Variants in PICALM observed in about 807,000 individuals in gnomAD.
The protein encoded by PICALM is phosphatidylinositol-binding clathrin assembly protein.
A neutral mutation model predicts 80.5 loss-of-function variants in PICALM; 40 were observed. The observed-to-expected ratio is 0.50, with a 90% confidence interval of 0.39 to 0.65. PICALM has a LOEUF of 0.65. Ranked by LOEUF, PICALM falls within the 30% of genes least tolerant of loss-of-function variation. The probability of loss-of-function intolerance (pLI) is 0.00; values close to 1 mark genes in which losing one functional copy is unlikely to be tolerated. For synonymous variants in PICALM, 288 were observed against 260.3 expected, an observed-to-expected ratio of 1.11 and a Z score of -1.02; for missense variants, 676 against 778.9, an observed-to-expected ratio of 0.87 and a Z score of 1.57.
rs12788654 is a variant in PICALM at position 86,022,065 on chromosome 11, T to G, written c.452+302A>C. ...TAGGTATAGAGTTTCTTTGTGGAGG[T>G]GATAAAAATGTTCTGAAATTAGTGG... is the stretch of plus-strand genomic sequence containing the variant. On this transcript the variant is annotated intron_variant, in intron 4 of 19. Transcript: ENST00000393346. 0.1 allele frequency among the ~76,000 whole-genome samples: 15,494 copies of G among 152,108 alleles called. 916 individuals are homozygous for G. The highest frequency in any genetic ancestry group is 0.15 in the Admixed American group (2,228 of 15,268).
chr11:86,056,451 A>G (rs1285917600), intron 1 of PICALM, among the ~76,000 whole-genome samples: 1 of 152,014 alleles, frequency 6.6e-6, no homozygotes, highest in Non-Finnish European at 1.5e-5. Context: ...CAAAATCACA[A>G]TGACATAACA....
intron 1 of PICALM, among the ~76,000 whole-genome samples, chr11:86,046,518 T>G (rs908947868): frequency 3.3e-5 from 5 of 152,214 alleles, no homozygotes; most frequent in African/African-American, 9.7e-5. Flanking sequence ...TCATTTTGTA[T>G]TGATGTTTTC....
At chr11:85,962,086 T>A (rs552652847) in intron 19 of PICALM, among the ~76,000 whole-genome samples, 4 of 152,214 alleles carry the variant, frequency 2.6e-5, no homozygotes, top group African/African-American at 9.6e-5. Context: ...GGAACAATGA[T>A]GGAATCACGC....
At chr11:86,027,437 T>G (rs571343596) in intron 2 of PICALM, among the ~76,000 whole-genome samples, 3 of 152,278 alleles carry the variant, frequency 2.0e-5, no homozygotes, top group African/African-American at 7.2e-5. Flanking sequence ...TCTTCATTTT[T>G]TTTTTAATGC....
At chr11:85,961,043 G>A (rs1205596142) in intron 19 of PICALM, among the ~76,000 whole-genome samples, 7 of 130,038 alleles carry the variant, frequency 5.4e-5, no homozygotes, top group African/African-American at 2.0e-4. Context: ...CCAAAAGGTC[G>A]ATATAAGCTG....
At position 86,003,390 on chromosome 11, in the gene PICALM, AT is replaced by A; in HGVS notation, c.868del (p.Ile290SerfsTer27). ...QHLASLEGKK[I>X]KDSTAASRAT... ...CCTGCTTGCAGCTGTAGAATCTTTGATTTTCTTTCCTTCCAAGGAAGCTAAA... is the reference window on the plus strand; with the variant it reads ...CCTGCTTGCAGCTGTAGAATCTTTGATTTCTTTCCTTCCAAGGAAGCTAAA... On this transcript the variant is annotated frameshift_variant, in exon 9 of 20. Coordinates refer to ENST00000393346, the MANE Select transcript of PICALM (RefSeq NM_007166.4). LOFTEE classifies it high-confidence loss of function. 1 of 1,594,640 alleles carries A rather than the reference AT, an allele frequency of 6.3e-7. No homozygotes were observed. The highest frequency in any genetic ancestry group is 2.2e-5 in the East Asian group (1 of 44,638).
intron 1 of PICALM, among the ~76,000 whole-genome samples, chr11:86,048,986 T>C (rs694011): frequency 0.71 from 108,536 of 151,962 alleles, 39,263 homozygotes; most frequent in African/African-American, 0.85. Flanking sequence ...GGAGGCAAAG[T>C]GACCACGTAA....
chr11:86,060,889 T>C (rs2096350839), intron 1 of PICALM, among the ~76,000 whole-genome samples: 1 of 152,192 alleles, frequency 6.6e-6, no homozygotes, highest in Non-Finnish European at 1.5e-5. Flanking sequence ...TTGATGACTT[T>C]TTAAATACAA....
chr11:86,006,271 C>CT (rs2095274716), intron 8 of PICALM, among the ~76,000 whole-genome samples: 1 of 152,158 alleles, frequency 6.6e-6, no homozygotes, highest in South Asian at 2.1e-4. Flanking sequence ...TTATTGCATA[C>CT]TCTTAGCCTT....
rs1407218822 is a variant in PICALM, at chr11:86,022,429, A to G, written c.390T>C (p.Tyr130=). The change falls in exon 4 of 20, where the codon TAT becomes TAC. Residue 130 remains tyrosine, a synonymous_variant. Transcript: ENST00000393346. The part of the protein sequence containing the change: ...MSTFIRRYSR[Y]LNEKAVSYRQ... ...TGTATGAAACTGCTTTCTCATTTAA[A>G]TATCTACTATACCGCCTAATAAATG... is the stretch of plus-strand genomic sequence containing the variant. 1 of 1,589,732 alleles carries G rather than the reference A, an allele frequency of 6.3e-7. No individual in the cohort carries two copies. The highest frequency in any genetic ancestry group is 8.6e-7 in the Non-Finnish European group (1 of 1,169,106).
chr11:86,031,618 T>TA lies in PICALM; in HGVS notation c.131-8dup, dbSNP rs758054404. On this transcript the variant is annotated splice_region_variant and splice_polypyrimidine_tract_variant and intron_variant, in intron 1 of 19. Transcript: ENST00000393346. ...TTTGTGCACTGAATTAAGTCTGCAATAAAAAATTTTTAAATGATTAATTTC... is the reference window on the plus strand; with the variant it reads ...TTTGTGCACTGAATTAAGTCTGCAATAAAAAAATTTTTAAATGATTAATTTC... 6.3e-7 allele frequency: 1 copy of TA among 1,589,428 alleles called. No homozygotes were observed. The highest frequency in any genetic ancestry group is 1.1e-5 in the South Asian group (1 of 87,986).
Position 86,031,587 on chromosome 11 carries a change from A to G in PICALM, c.155T>C (p.Met52Thr). Residue 52 changes from methionine to threonine, a missense_variant, in exon 2 of 20, where the codon ATG (methionine) becomes ACG (threonine). Physicochemically the swap from Met to Thr is moderately conservative, Grantham distance 81. Transcript: ENST00000393346. ...TGCCAACTGTGGGATGTTCACATTC[A>G]TCTCATTTGTGCACTGAATTAAGTC... ...LDYLIQCTNE[M>T]NVNIPQLADS... is the part of the protein sequence containing the mutation. 6.2e-7 allele frequency: 1 copy of G among 1,605,808 alleles called. No individual in the cohort carries two copies. The highest frequency in any genetic ancestry group is 1.7e-4 in the Middle Eastern group (1 of 6,026).
rs12226311 is a variant in PICALM, at chr11:85,990,601, G to A, written c.1259-202C>T. ...TAATATATTTTTAAGTGAATCCTTA[G>A]AAAAAATCCTTTTATTTGTTAACAC... is the stretch of plus-strand genomic sequence containing the variant. On this transcript the variant is annotated intron_variant, in intron 12 of 19. Transcript: ENST00000393346. Among the ~76,000 whole-genome samples, 217 of 152,222 alleles carry A rather than the reference G, an allele frequency of 1.4e-3. 1 individual carries two copies. In the East Asian group the frequency reaches 0.035, roughly 24 times the overall value.
Position 86,010,522 on chromosome 11 carries a change from T to C in PICALM, c.765+508A>G, listed in dbSNP as rs147641938. On this transcript the variant is annotated intron_variant, in intron 7 of 19. Transcript: ENST00000393346. ...TTGTATCTTTAGTATAGACGGGATT[T>C]TGCCATGTTGGCCAGTCTTGAACTC... Among the ~76,000 whole-genome samples the C allele has an allele frequency of 3.3e-3, 506 of 152,212 alleles. 5 individuals carry two copies. The highest frequency in any genetic ancestry group is 0.012 in the African/African-American group (483 of 41,528).
chr11:85,972,659 G>A (rs1280719903), intron 19 of PICALM, among the ~76,000 whole-genome samples: 1 of 152,096 alleles, frequency 6.6e-6, no homozygotes, highest in Non-Finnish European at 1.5e-5. Flanking sequence ...TTCTGTAGTC[G>A]AAGGTCCCTA....
Position 86,012,339 on chromosome 11 carries a change from C to T in PICALM, c.600G>A (p.Leu200=). 2 of 1,611,302 alleles carry T rather than the reference C, an allele frequency of 1.2e-6. No individual in the cohort carries two copies. The highest frequency in any genetic ancestry group is 1.7e-6 in the Non-Finnish European group (2 of 1,178,140). ...CAAACAGTCTAATGGCATCTTTGAA[C>T]AGGAGCATGAAGGCAGCATTTATTA... is the stretch of plus-strand genomic sequence containing the variant. ...NGVINAAFML[L]FKDAIRLFAA... Residue 200 remains leucine (L), a synonymous_variant, in exon 6 of 20, where the codon CTG becomes CTA. Transcript: ENST00000393346.
chr11:86,032,770 A>C (rs2095780256), intron 1 of PICALM, among the ~76,000 whole-genome samples: 1 of 152,214 alleles, frequency 6.6e-6, no homozygotes, highest in Non-Finnish European at 1.5e-5. Flanking sequence ...GTTATTCATG[A>C]CATTAATTTG....
At chr11:85,963,565 T>G (rs1259893975) in intron 19 of PICALM, among the ~76,000 whole-genome samples, 1 of 152,292 alleles carries the variant, frequency 6.6e-6, no homozygotes, top group East Asian at 1.9e-4. Flanking sequence ...TTCTCATGTA[T>G]AGAAAAATGA....
At chr11:85,992,818 G>C (rs1453837787) in intron 12 of PICALM, among the ~76,000 whole-genome samples, 1 of 152,166 alleles carries the variant, frequency 6.6e-6, no homozygotes, top group East Asian at 1.9e-4. Context: ...GTTTTATCTA[G>C]CACCTAATTT....
Sources: gnomAD v4.1 joint callset for allele counts (sites outside exome capture counted in the v4.1 genomes callset) on GRCh38, gnomAD v4.1.1 for gene constraint, MANE v1.5 for transcripts, NCBI Gene and HGNC (gene_info 2026-07-23, HGNC 2026-07-21) for gene names.